CDK14: variants seen among roughly 807,000 people sequenced by gnomAD.
CDK14 encodes the protein cyclin-dependent kinase 14.
CDK14 carries 34 observed loss-of-function variants against 60.7 expected under a neutral mutation model. The observed-to-expected ratio is 0.56, with a 90% CI of 0.43 to 0.75. The LOEUF is 0.75. Among genes scored for constraint, CDK14 ranks in the 30% least tolerant of loss-of-function variants. The pLI is 0.00. For synonymous variants in CDK14, 197 were observed against 203.7 expected (o/e 0.97, Z 0.28); for missense variants, 482 against 564.1 (o/e 0.85, Z 1.47).
intron 14 of CDK14, among the ~76,000 whole-genome samples, chr7:91,204,055 C>G (rs1464194142): frequency 6.6e-6 from 1 of 152,104 alleles, no homozygotes; most frequent in Non-Finnish European, 1.5e-5. Context: ...CACAATCAAG[C>G]AAGGATGAGG....
At chr7:91,168,489 G>C (rs1022473683) in intron 14 of CDK14, among the ~76,000 whole-genome samples, 7 of 152,018 alleles carry the variant, frequency 4.6e-5, no homozygotes, top group Non-Finnish European at 7.4e-5. Flanking sequence ...GCTGTTTAAA[G>C]TTTCACCTTA....
At position 90,806,655 on chromosome 7, in the gene CDK14, A is replaced by C. The variant is rs1339804612; in HGVS notation, c.544+16003A>C. ...GAGTGCAGTGCACCGAGCATGAGCC[A>C]AATCAGGGCGAGGCATCGCCTCACC... is the stretch of plus-strand genomic sequence containing the variant. On this transcript the variant is annotated intron_variant, in intron 5 of 14. Coordinates refer to ENST00000380050, the MANE Select transcript of CDK14 (RefSeq NM_001287135.2). Among the ~76,000 whole-genome samples the C allele has an allele frequency of 3.3e-5, 5 of 152,228 alleles. No individual in the cohort carries two copies. The East Asian group carries it at 9.6e-4, about 29-fold the overall frequency.
At chr7:91,055,055 G>A (rs1469347936) in intron 11 of CDK14, among the ~76,000 whole-genome samples, 1 of 152,146 alleles carries the variant, frequency 6.6e-6, no homozygotes. Context: ...GGTCATTTCT[G>A]CCTGCAGCCC....
At chr7:90,870,267 G>A (rs1332126103) in intron 6 of CDK14, among the ~76,000 whole-genome samples, 1 of 152,122 alleles carries the variant, frequency 6.6e-6, no homozygotes, top group Admixed American at 6.5e-5. Flanking sequence ...TGCATGTTCT[G>A]ACTTATAAGT....
At chr7:91,166,891 C>T (rs997353460) in intron 14 of CDK14, among the ~76,000 whole-genome samples, 7 of 152,148 alleles carry the variant, frequency 4.6e-5, no homozygotes, top group African/African-American at 1.2e-4. Flanking sequence ...TGAGGGCAAC[C>T]GCCCAGGCCC....
At chr7:90,956,974 A>T (rs1409861200) in intron 9 of CDK14, among the ~76,000 whole-genome samples, 1 of 151,202 alleles carries the variant, frequency 6.6e-6, no homozygotes, top group Admixed American at 6.6e-5. Context: ...ATAGTATTCC[A>T]TGGTGTATAT....
chr7:91,185,257 T>C (rs1317435307), intron 14 of CDK14, among the ~76,000 whole-genome samples: 2 of 151,644 alleles, frequency 1.3e-5, no homozygotes, highest in Non-Finnish European at 2.9e-5. Context: ...GGCCTTTCTC[T>C]ATCCAATTCT....
rs571071125 is a variant in CDK14 at position 91,203,953 on chromosome 7, G to A, written c.*29-3212G>A. Among the ~76,000 whole-genome samples the A allele has an allele frequency of 2.7e-4, 41 of 152,252 alleles. No individual in the cohort carries two copies. The South Asian group carries it at 8.5e-3, about 32-fold the overall frequency. ...TTCTTCGTTTCCCTGAAAGAACAAG[G>A]GTAGGCTGGGGACAAAGGAGTTTGT... On this transcript the variant is annotated intron_variant, in intron 14 of 14. Coordinates refer to ENST00000380050, the MANE Select transcript of CDK14 (RefSeq NM_001287135.2).
At chr7:91,192,325 A>G (rs1310600419) in intron 14 of CDK14, among the ~76,000 whole-genome samples, 1 of 152,200 alleles carries the variant, frequency 6.6e-6, no homozygotes, top group Non-Finnish European at 1.5e-5. Flanking sequence ...AATGATCAGA[A>G]AAACACTCAT....
At chr7:90,807,668 G>A (rs960936971) in intron 5 of CDK14, among the ~76,000 whole-genome samples, 5 of 152,212 alleles carry the variant, frequency 3.3e-5, no homozygotes, top group African/African-American at 9.6e-5. Flanking sequence ...AAACTACTCC[G>A]AACTAAAGGA....
At chr7:91,163,528 G>T (rs1388623095) in intron 14 of CDK14, among the ~76,000 whole-genome samples, 1 of 152,146 alleles carries the variant, frequency 6.6e-6, no homozygotes, top group Non-Finnish European at 1.5e-5. Context: ...ATAAGGTGAT[G>T]ATTTGATACA....
At chr7:90,727,575 A>G (rs1189887432) in intron 3 of CDK14, among the ~76,000 whole-genome samples, 1 of 152,136 alleles carries the variant, frequency 6.6e-6, no homozygotes, top group Non-Finnish European at 1.5e-5. Flanking sequence ...TGGTCAGGGA[A>G]ACCACAAGTA....
intron 6 of CDK14, among the ~76,000 whole-genome samples, chr7:90,880,381 C>T (rs1395088869): frequency 1.3e-5 from 2 of 152,150 alleles, no homozygotes; most frequent in South Asian, 2.1e-4. Flanking sequence ...ATGGGGCTTC[C>T]CTGCAGGATC....
chr7:90,621,434 C>G (rs1455951649), intron 2 of CDK14, among the ~76,000 whole-genome samples: 1 of 152,216 alleles, frequency 6.6e-6, no homozygotes, highest in Non-Finnish European at 1.5e-5. Context: ...TCTCTTCCCC[C>G]TGCAAGACTG....
intron 12 of CDK14, among the ~76,000 whole-genome samples, chr7:91,100,644 A>G (rs1282153286): frequency 6.6e-6 from 1 of 152,218 alleles, no homozygotes. Context: ...AGATTTTTAA[A>G]AAGCAGATCA....
At chr7:91,002,105 A>G (rs1167089686) in intron 10 of CDK14, among the ~76,000 whole-genome samples, 1 of 152,222 alleles carries the variant, frequency 6.6e-6, no homozygotes, top group Non-Finnish European at 1.5e-5. Flanking sequence ...ATGAGGTTAA[A>G]GAATTCATAG....
chr7:90,798,485 G>A (rs1374392514), intron 5 of CDK14, among the ~76,000 whole-genome samples: 1 of 152,144 alleles, frequency 6.6e-6, no homozygotes, highest in Non-Finnish European at 1.5e-5. Flanking sequence ...GAAGCAGCAT[G>A]GTGTGTTCAA....
At chr7:90,677,068 C>T (rs1026864106) in intron 2 of CDK14, among the ~76,000 whole-genome samples, 2 of 151,950 alleles carry the variant, frequency 1.3e-5, no homozygotes, top group African/African-American at 4.8e-5. Context: ...GAAATCTTAG[C>T]AGATATTTTA....
Position 90,825,523 on chromosome 7 carries a change from A to C in CDK14, c.544+34871A>C, listed in dbSNP as rs994868555. 2.0e-5 allele frequency among the ~76,000 whole-genome samples: 3 copies of C among 152,210 alleles called. No individual in the cohort carries two copies. The East Asian group carries it at 5.8e-4, about 29-fold the overall frequency. On this transcript the variant is annotated intron_variant, in intron 5 of 14. Transcript: ENST00000380050. ...CAGAGCTAGAAAACATTTATATCTT[A>C]CTTAGAGTGGTCATTACCCTTGCCT...
Sources: allele counts gnomAD v4.1 joint callset (sites outside exome capture counted in the v4.1 genomes callset), GRCh38; gene constraint gnomAD v4.1.1; transcripts MANE v1.5; gene names NCBI Gene and HGNC (gene_info 2026-07-23, HGNC 2026-07-21).